GALR3: variants seen among roughly 807,000 people sequenced by gnomAD.
GALR3 encodes galanin receptor 3.
Under a neutral mutation model 6.9 loss-of-function variants are expected in GALR3, and 5 were observed. The ratio of observed to expected loss-of-function variants is 0.72; its 90% CI spans 0.38 to 1.52. The LOEUF (loss-of-function observed/expected upper bound fraction) is 1.52. GALR3 is among the 40% of genes most tolerant of loss of function. GALR3 has a pLI of 0.03. For missense variants in GALR3, 570 were observed against 545.6 expected (o/e 1.04, Z -0.44); for synonymous variants, 308 against 263.6 (o/e 1.17, Z -1.63).
chr22:37,823,429 C>T lies in GALR3; in HGVS notation c.23C>T (p.Ser8Leu), dbSNP rs752989119. The T allele has an allele frequency of 1.8e-5, 29 of 1,594,766 alleles. No individual in the cohort carries two copies. The Admixed American group carries it at 3.2e-4, about 18-fold the overall frequency. ...GAGATGGCTGATGCCCAGAACATTTCACTGGACAGCCCAGGGAGTGTGGGG... is the reference window on the plus strand; with the variant it reads ...GAGATGGCTGATGCCCAGAACATTTTACTGGACAGCCCAGGGAGTGTGGGG... MADAQNI[S>L]LDSPGSVGAV... Residue 8 changes from serine (S) to leucine (L), a missense_variant, in exon 1 of 2, where the codon TCA becomes TTA. Ser to Leu is a moderately radical substitution (Grantham distance 145). Coordinates refer to ENST00000249041, the MANE Select transcript of GALR3 (RefSeq NM_003614.2).
At chr22:37,824,123 T>C (rs1179489822) in intron 1 of GALR3, among the ~76,000 whole-genome samples, 1 of 94,106 alleles carries the variant, frequency 1.1e-5, no homozygotes, top group African/African-American at 5.0e-5. Flanking sequence ...TTTTGTTTTG[T>C]TGTTTTTTTT....
chr22:37,825,301 GC>G lies in GALR3; in HGVS notation c.940del (p.His314ThrfsTer?). 8.0e-7 allele frequency: 1 copy of G among 1,254,856 alleles called. No individual in the cohort carries two copies. Among genetic ancestry groups the G allele is most frequent in the Non-Finnish European group, 1.0e-6 (1 of 1,003,746 alleles). The allele number at this position is 1,254,856 out of a possible 1,614,324, so 77.7% of individuals were successfully genotyped here. A position where few individuals can be genotyped will look rare whatever the true frequency, so the allele number is the denominator to read the frequency against. On this transcript the variant is annotated frameshift_variant, in exon 2 of 2. Transcript: ENST00000249041. LOFTEE classifies it low-confidence loss of function (END_TRUNC). ...CTGTGGCCGTGCGGCCGCCGACGCC[GC>G]CACCGTGCCCGCCGCGCCTTGCGTC... Reference protein sequence around the residue: ...RRLWPCGRRRRHRARRALRRV... With the variant: ...RRLWPCGRRRXHRARRALRRV...
rs1287737966 is a variant in GALR3 at position 37,825,085 on chromosome 22, CCGCGCTCTA to C, written c.731_739del (p.Tyr244_Leu246del). The C allele has an allele frequency of 8.4e-7, 1 of 1,191,938 alleles. No homozygotes were observed. Among genetic ancestry groups the C allele is most frequent in the Non-Finnish European group, 1.0e-6 (1 of 955,678 alleles). 73.8% of individuals were successfully genotyped at this position (1,191,938 alleles called of 1,614,324 possible). A position where few individuals can be genotyped will look rare whatever the true frequency, so the allele number is the denominator to read the frequency against. On this transcript the variant is annotated inframe_deletion, in exon 2 of 2. Coordinates refer to ENST00000249041, the MANE Select transcript of GALR3 (RefSeq NM_003614.2). ...GCGGGGCGCGCCATGCTGGCGGTGGCCGCGCTCTACGCGCTCTGCTGGGGTCCGCACCAC... is the reference window on the plus strand; with the variant it reads ...GCGGGGCGCGCCATGCTGGCGGTGGCCGCGCTCTGCTGGGGTCCGCACCAC...
rs888997222 is a variant in GALR3 at position 37,825,384 on chromosome 22, G to A, written c.1021G>A (p.Gly341Arg). ...PGCPGDARPS[G>R]RLLAGGGQGP... ...CTGCCCCGGAGACGCCCGGCCTAGC[G>A]GGAGGCTGCTGGCTGGTGGCGGCCA... is the stretch of plus-strand genomic sequence containing the variant. The change falls in exon 2 of 2, where the codon GGG becomes AGG. Residue 341 changes from glycine to arginine, a missense_variant. By Grantham distance (125) the Gly-to-Arg change is moderately radical. Coordinates refer to ENST00000249041, the MANE Select transcript of GALR3 (RefSeq NM_003614.2). The A allele has an allele frequency of 2.2e-6, 3 of 1,386,422 alleles. No homozygotes were observed. The highest frequency in any genetic ancestry group is 5.5e-5 in the Admixed American group (2 of 36,266). 85.9% of individuals were successfully genotyped at this position (1,386,422 alleles called of 1,614,324 possible). A position where few individuals can be genotyped will look rare whatever the true frequency, so the allele number is the denominator to read the frequency against.
intron 1 of GALR3, 112 bp downstream of exon 1, chr22:37,823,877 G>C: frequency 1.5e-6 from 1 of 659,422 alleles, no homozygotes; most frequent in Non-Finnish European, 2.6e-6. Context: ...GGACCAGAAA[G>C]GGAGGTGGGT....
chr22:37,823,484 A>G lies in GALR3; in HGVS notation c.78A>G (p.Leu26=). Residue 26 remains leucine (L), a synonymous_variant, in exon 1 of 2, where the codon CTA becomes CTG. Coordinates refer to ENST00000249041, the MANE Select transcript of GALR3 (RefSeq NM_003614.2). ...TGGCAGTGCCTGTGGTCTTTGCCCT[A>G]ATCTTCCTGCTGGGCACAGTGGGCA... ...GAVAVPVVFA[L]IFLLGTVGNG... is the part of the protein sequence containing the mutation. The G allele has an allele frequency of 6.2e-7, 1 of 1,613,778 alleles. No individual in the cohort carries two copies. Among genetic ancestry groups the G allele is most frequent in the Non-Finnish European group, 8.5e-7 (1 of 1,179,774 alleles).
rs771215631 is a variant in GALR3, at chr22:37,823,758, G to A, written c.352G>A (p.Val118Met). The change falls in exon 1 of 2, where the codon GTG becomes ATG. Residue 118 changes from valine to methionine, a missense_variant. Physicochemically the swap from Val to Met is conservative, Grantham distance 21. Transcript: ENST00000249041. ...ASSFTLAAVS[V>M]DRYLAVRHPL... ...CAGCTTTACGCTGGCTGCTGTCTCC[G>A]TGGACAGGTGCGCTGTGCCTGGGGC... The A allele has an allele frequency of 3.8e-6, 6 of 1,594,306 alleles. No individual in the cohort carries two copies. Among genetic ancestry groups the A allele is most frequent in the Admixed American group, 1.7e-5 (1 of 59,828 alleles).
rs1922543333 is a variant in GALR3, at chr22:37,824,706, C to T, written c.360-17C>T. The T allele has an allele frequency of 5.0e-6, 6 of 1,199,422 alleles. No individual in the cohort carries two copies. Among genetic ancestry groups the T allele is most frequent in the South Asian group, 8.0e-5 (2 of 24,944 alleles). 74.3% of individuals were successfully genotyped at this position (1,199,422 alleles called of 1,614,324 possible). ...GGAGGGCACCTGCCCGCCCCGCTGACCAGGCGCCCTCCGCAGGTACCTGGC... is the reference window on the plus strand; with the variant it reads ...GGAGGGCACCTGCCCGCCCCGCTGATCAGGCGCCCTCCGCAGGTACCTGGC... On this transcript the variant is annotated splice_polypyrimidine_tract_variant and intron_variant, in intron 1 of 1. Transcript: ENST00000249041.
rs1426344946 is a variant in GALR3, at chr22:37,824,792, G to T, written c.429G>T (p.Val143=). ...LRTPRNARAA[V]GLVWLLAALF... ...CGCCGCGTAACGCCCGCGCCGCAGT[G>T]GGGCTGGTGTGGCTGCTGGCGGCGC... Residue 143 remains valine, a synonymous_variant, in exon 2 of 2, where the codon GTG becomes GTT. Transcript: ENST00000249041. The T allele has an allele frequency of 3.0e-6, 4 of 1,336,306 alleles. No homozygotes were observed. Among genetic ancestry groups the T allele is most frequent in the Admixed American group, 6.4e-5 (2 of 31,492 alleles). 82.8% of individuals were successfully genotyped at this position (1,336,306 alleles called of 1,614,324 possible).
In GALR3 at chr22:37,825,321, T is replaced by C. The variant is rs1922581716; in HGVS notation, c.958T>C (p.Leu320=). Residue 320 remains leucine, a synonymous_variant, in exon 2 of 2, where the codon TTG becomes CTG. Coordinates refer to ENST00000249041, the MANE Select transcript of GALR3 (RefSeq NM_003614.2). ...ACGCCGCCACCGTGCCCGCCGCGCC[T>C]TGCGTCGCGTCCGCCCCGCGTCCTC... ...RRRRHRARRA[L]RRVRPASSGP... 1 of 1,253,968 alleles carries C rather than the reference T, an allele frequency of 8.0e-7. No individual in the cohort carries two copies. Among genetic ancestry groups the C allele is most frequent in the Non-Finnish European group, 1.0e-6 (1 of 1,002,538 alleles). 77.7% of individuals were successfully genotyped at this position (1,253,968 alleles called of 1,614,324 possible). A position where few individuals can be genotyped will look rare whatever the true frequency, so the allele number is the denominator to read the frequency against.
chr22:37,825,457 G>T lies in GALR3; in HGVS notation c.1094G>T (p.Arg365Leu). The change falls in exon 2 of 2, where the codon CGA (arginine) becomes CTA (leucine). Residue 365 changes from arginine to leucine, a missense_variant. By Grantham distance (102) the Arg-to-Leu change is moderately radical. Coordinates refer to ENST00000249041, the MANE Select transcript of GALR3 (RefSeq NM_003614.2). The part of the protein sequence containing the change: ...EGPVHGGEAA[R>L]GPE Reference sequence around the variant, plus strand: ...CCCGTCCACGGCGGAGAGGCTGCCCGAGGACCGGAATAAACCCTGCCGCCT... The same window carrying T: ...CCCGTCCACGGCGGAGAGGCTGCCCTAGGACCGGAATAAACCCTGCCGCCT... 2 of 1,371,268 alleles carry T rather than the reference G, an allele frequency of 1.5e-6. No individual in the cohort carries two copies. The highest frequency in any genetic ancestry group is 1.9e-6 in the Non-Finnish European group (2 of 1,059,764). 84.9% of individuals were successfully genotyped at this position (1,371,268 alleles called of 1,614,324 possible). A position where few individuals can be genotyped will look rare whatever the true frequency, so the allele number is the denominator to read the frequency against.
chr22:37,825,153 G>T lies in GALR3; in HGVS notation c.790G>T (p.Ala264Ser). 1.4e-6 allele frequency: 2 copies of T among 1,478,634 alleles called. No individual in the cohort carries two copies. Among genetic ancestry groups the T allele is most frequent in the Non-Finnish European group, 9.0e-7 (1 of 1,109,444 alleles). 91.6% of individuals were successfully genotyped at this position (1,478,634 alleles called of 1,614,324 possible). A position where few individuals can be genotyped will look rare whatever the true frequency, so the allele number is the denominator to read the frequency against. The change falls in exon 2 of 2, where the codon GCC (alanine) becomes TCC (serine). Residue 264 changes from alanine (A) to serine (S), a missense_variant. By Grantham distance (99) the Ala-to-Ser change is moderately conservative. Transcript: ENST00000249041. ...CCTGTGCTTCTGGTACGGCCGCTTC[G>T]CCTTCAGCCCGGCCACCTACGCCTG... ...LILCFWYGRF[A>S]FSPATYACRL...
At chr22:37,823,832 C>T (rs1261380161) in intron 1 of GALR3, 67 bp downstream of exon 1, 3 of 838,802 alleles carry the variant, frequency 3.6e-6, no homozygotes, top group Non-Finnish European at 5.7e-6. Flanking sequence ...GAGTCCTGAA[C>T]AGATCCTCAC....
intron 1 of GALR3, 41 bp from the exon 2 acceptor site, chr22:37,824,682 G>A (rs1466168232): frequency 2.1e-5 from 24 of 1,169,422 alleles, no homozygotes; most frequent in Non-Finnish European, 2.4e-5. Context: ...GCCCCTGCGG[G>A]AGGGCACCTG....
intron 1 of GALR3, 23 bp downstream of exon 1, chr22:37,823,788 C>A: frequency 2.5e-6 from 3 of 1,189,260 alleles, no homozygotes; most frequent in Non-Finnish European, 3.6e-6. Context: ...TGGGGCCTGG[C>A]TGGGCAGGGC....
Position 37,825,155 on chromosome 22 carries a change from C to A in GALR3, c.792C>A (p.Ala264=). The part of the protein sequence containing the change: ...LILCFWYGRF[A]FSPATYACRL... ...TGTGCTTCTGGTACGGCCGCTTCGCCTTCAGCCCGGCCACCTACGCCTGCC... is the reference window on the plus strand; with the variant it reads ...TGTGCTTCTGGTACGGCCGCTTCGCATTCAGCCCGGCCACCTACGCCTGCC... Residue 264 remains alanine (A), a synonymous_variant, in exon 2 of 2, where the codon GCC becomes GCA. Coordinates refer to ENST00000249041, the MANE Select transcript of GALR3 (RefSeq NM_003614.2). 6.7e-7 allele frequency: 1 copy of A among 1,482,498 alleles called. No individual in the cohort carries two copies. The highest frequency in any genetic ancestry group is 9.0e-7 in the Non-Finnish European group (1 of 1,111,746). 91.8% of individuals were successfully genotyped at this position (1,482,498 alleles called of 1,614,324 possible). A position where few individuals can be genotyped will look rare whatever the true frequency, so the allele number is the denominator to read the frequency against.
In GALR3 at chr22:37,825,071, C is replaced by CATGCTGGCGGTGGCCGCGCT; in HGVS notation, c.709_728dup (p.Tyr244CysfsTer?). ...GGGCGACGGGCCGCGCGGGGCGCGC[C>CATGCTGGCGGTGGCCGCGCT]ATGCTGGCGGTGGCCGCGCTCTACG... On this transcript the variant is annotated frameshift_variant, in exon 2 of 2. Coordinates refer to ENST00000249041, the MANE Select transcript of GALR3 (RefSeq NM_003614.2). LOFTEE classifies it low-confidence loss of function (END_TRUNC). 1 of 1,150,728 alleles carries CATGCTGGCGGTGGCCGCGCT rather than the reference C, an allele frequency of 8.7e-7. No homozygotes were observed. Among genetic ancestry groups the CATGCTGGCGGTGGCCGCGCT allele is most frequent in the East Asian group, 4.2e-5 (1 of 24,094 alleles). The allele number at this position is 1,150,728 out of a possible 1,614,324, so 71.3% of individuals were successfully genotyped here.
Position 37,823,448 on chromosome 22 carries a change from T to C in GALR3, c.42T>C (p.Ser14=), listed in dbSNP as rs116135015. The change falls in exon 1 of 2, where the codon AGT becomes AGC. Residue 14 remains serine, a synonymous_variant. Transcript: ENST00000249041. The part of the protein sequence containing the change: ...AQNISLDSPG[S]VGAVAVPVVF... ...ACATTTCACTGGACAGCCCAGGGAG[T>C]GTGGGGGCCGTGGCAGTGCCTGTGG... The C allele has an allele frequency of 6.3e-4, 1,012 of 1,609,160 alleles. 29 individuals carry two copies. In the East Asian group the frequency reaches 0.022, roughly 36 times the overall value.
In GALR3 at chr22:37,823,393, C is replaced by T. The variant is rs762727130; in HGVS notation, c.-14C>T. On this transcript the variant is annotated 5_prime_UTR_variant, in exon 1 of 2. Transcript: ENST00000249041. Reference sequence around the variant, plus strand: ...ATTCCAGCTTCTCTTCCCAGGTGCCCGTCTGATGGGGAGATGGCTGATGCC... The same window carrying T: ...ATTCCAGCTTCTCTTCCCAGGTGCCTGTCTGATGGGGAGATGGCTGATGCC... 8 of 1,537,764 alleles carry T rather than the reference C, an allele frequency of 5.2e-6. No individual in the cohort carries two copies. The Admixed American group carries it at 1.3e-4, about 25-fold the overall frequency.
Sources: allele counts gnomAD v4.1 joint callset (sites outside exome capture counted in the v4.1 genomes callset), GRCh38; gene constraint gnomAD v4.1.1; transcripts MANE v1.5; gene names NCBI Gene and HGNC (gene_info 2026-07-23, HGNC 2026-07-21).